CLPTM1: variants seen among roughly 807,000 people sequenced by gnomAD.
CLPTM1 encodes the protein CLPTM1 regulator of GABA type A receptor forward trafficking, also known as putative lipid scramblase CLPTM1.
In CLPTM1, 21 loss-of-function variants were observed where a neutral mutation model predicts 77.3. The observed-to-expected ratio is 0.27, with a 90% CI of 0.19 to 0.39. The LOEUF is 0.39. Among genes scored for constraint, CLPTM1 ranks in the 10% least tolerant of loss-of-function variants. CLPTM1 has a pLI of 1.00. For missense variants in CLPTM1, 642 were observed against 921.2 expected, an observed-to-expected ratio of 0.70 and a Z score of 3.92; for synonymous variants, 373 against 381.0, an observed-to-expected ratio of 0.98 and a Z score of 0.24.
At position 44,986,756 on chromosome 19, in the gene CLPTM1, G is replaced by A. The variant is rs1054673478; in HGVS notation, c.793+181G>A. 1.2e-5 allele frequency: 9 copies of A among 737,818 alleles called. 1 individual carries two copies. Among genetic ancestry groups the A allele is most frequent in the Admixed American group, 3.1e-5 (1 of 32,378 alleles). 45.7% of individuals were successfully genotyped at this position (737,818 alleles called of 1,614,324 possible). A position where few individuals can be genotyped will look rare whatever the true frequency, so the allele number is the denominator to read the frequency against. Reference sequence around the variant, plus strand: ...CTCCCTCTCCCACACCACCACCCCTGGGGACCCCAGGACTGACTTCTACAC... The same window carrying A: ...CTCCCTCTCCCACACCACCACCCCTAGGGACCCCAGGACTGACTTCTACAC... On this transcript the variant is annotated intron_variant, in intron 7 of 13. Transcript: ENST00000337392.
chr19:44,982,727 C>T (rs905766385), intron 5 of CLPTM1, among the ~76,000 whole-genome samples: 2 of 152,124 alleles, frequency 1.3e-5, no homozygotes, highest in African/African-American at 4.8e-5. Flanking sequence ...TTGGTTTCTC[C>T]CCCTGGACAC....
At position 44,990,666 on chromosome 19, in the gene CLPTM1, G is replaced by T; in HGVS notation, c.1323+81G>T. The stretch of plus-strand genomic sequence containing the variant: ...GTGGCCCAGCTGGACCCTGGAGCTG[G>T]CCCCCGGGGGATTCCCAGCAAGTGC... On this transcript the variant is annotated intron_variant, in intron 10 of 13. Coordinates refer to ENST00000337392, the MANE Select transcript of CLPTM1 (RefSeq NM_001294.4). The surrounding 1 kb of genome is among the most constrained non-coding windows in gnomAD (Gnocchi z 4.8). 1 of 1,497,466 alleles carries T rather than the reference G, an allele frequency of 6.7e-7. No individual in the cohort carries two copies. Among genetic ancestry groups the T allele is most frequent in the South Asian group, 1.2e-5 (1 of 84,580 alleles). 92.8% of individuals were successfully genotyped at this position (1,497,466 alleles called of 1,614,324 possible). A position where few individuals can be genotyped will look rare whatever the true frequency, so the allele number is the denominator to read the frequency against.
chr19:44,966,489 A>G lies in CLPTM1; in HGVS notation c.185+4414A>G, dbSNP rs116518819. Among the ~76,000 whole-genome samples, 641 of 152,312 alleles carry G rather than the reference A, an allele frequency of 4.2e-3. 6 individuals carry two copies. Among genetic ancestry groups the G allele is most frequent in the African/African-American group, 0.015 (614 of 41,566 alleles). ...TAATTGGCCCTAAATGGGATTATAT[A>G]TAGATGCTCACAGATAGAGTTGTTT... is the stretch of plus-strand genomic sequence containing the variant. On this transcript the variant is annotated intron_variant, in intron 2 of 13. Coordinates refer to ENST00000337392, the MANE Select transcript of CLPTM1 (RefSeq NM_001294.4).
At chr19:44,962,147 C>T in intron 2 of CLPTM1, 72 bp downstream of exon 2, 3 of 911,474 alleles carry the variant, frequency 3.3e-6, no homozygotes, top group Non-Finnish European at 5.0e-6. Flanking sequence ...GAAAAGTCAG[C>T]TGATCAGCTG....
chr19:44,964,823 T>C (rs1799982230), intron 2 of CLPTM1, among the ~76,000 whole-genome samples: 1 of 152,174 alleles, frequency 6.6e-6, no homozygotes, highest in African/African-American at 2.4e-5. Flanking sequence ...TTAGCTCCTG[T>C]ATGTGGAATC....
At chr19:44,978,555 C>T (rs769607445) in intron 5 of CLPTM1, among the ~76,000 whole-genome samples, 7 of 146,764 alleles carry the variant, frequency 4.8e-5, no homozygotes, top group Non-Finnish European at 1.0e-4. Flanking sequence ...ATCGCTTGAA[C>T]CTGGGAGGTC....
At chr19:44,971,573 AT>A (rs902918437) in intron 2 of CLPTM1, among the ~76,000 whole-genome samples, 27 of 151,946 alleles carry the variant, frequency 1.8e-4, no homozygotes, top group African/African-American at 2.7e-4. Flanking sequence ...TAATTGATTA[AT>A]TTTTTTGGGA....
chr19:44,978,497 G>C (rs1051034550), intron 5 of CLPTM1, among the ~76,000 whole-genome samples: 5 of 151,838 alleles, frequency 3.3e-5, no homozygotes, highest in African/African-American at 1.2e-4. Flanking sequence ...GCCAGGTATG[G>C]TGGTGAGCAC....
In CLPTM1 at chr19:44,986,857, TTTG is replaced by T. The variant is rs1349935669; in HGVS notation, c.793+283_793+285del. On this transcript the variant is annotated intron_variant, in intron 7 of 13. Coordinates refer to ENST00000337392, the MANE Select transcript of CLPTM1 (RefSeq NM_001294.4). ...AAAAATGTCTTATCACTTGCCAGCT[TTTG>T]AAATTGAGGCAGTATCACTTAAAAG... The T allele has an allele frequency of 1.5e-3, 775 of 529,496 alleles. 2 individuals are homozygous for T. Among genetic ancestry groups the T allele is most frequent in the African/African-American group, 9.5e-3 (500 of 52,908 alleles). The allele number at this position is 529,496 out of a possible 1,614,324, so 32.8% of individuals were successfully genotyped here.
In CLPTM1 at chr19:44,990,727, G is replaced by T. The variant is rs545311065; in HGVS notation, c.1324-123G>T. On this transcript the variant is annotated intron_variant, in intron 10 of 13. Transcript: ENST00000337392. The surrounding 1 kb of genome is among the most constrained non-coding windows in gnomAD (Gnocchi z 4.8). ...GGACTGAGGGGATTTTCTCACCAGG[G>T]GATTTTTTGGGTCACACATGGGGCA... The T allele has an allele frequency of 1.2e-4, 163 of 1,312,394 alleles. 4 individuals carry two copies. The South Asian group carries it at 2.0e-3, about 16-fold the overall frequency. The allele number at this position is 1,312,394 out of a possible 1,614,324, so 81.3% of individuals were successfully genotyped here. A position where few individuals can be genotyped will look rare whatever the true frequency, so the allele number is the denominator to read the frequency against.
At chr19:44,989,875 T>G (rs3859419) in intron 9 of CLPTM1, 135,999 of 153,644 alleles carry the variant, frequency 0.89, 60,340 homozygotes, top group East Asian at 0.94. Flanking sequence ...CAGGGCCCTT[T>G]TCAGTTTCCT....
rs991138200 is a variant in CLPTM1, at chr19:44,973,187, C to G, written c.286C>G (p.Leu96Val). Residue 96 changes from leucine (L) to valine (V), a missense_variant, in exon 3 of 14, where the codon CTG (leucine) becomes GTG (valine). Leu to Val is a conservative substitution (Grantham distance 32, BLOSUM62 1). Transcript: ENST00000337392. ...GGAPRVASRN[L>V]FPKDTLMNLH... ...AGCTCCACGCGTCGCCAGCCGCAACCTGTTCCCCAAAGACACTTTAATGGT... is the reference window on the plus strand; with the variant it reads ...AGCTCCACGCGTCGCCAGCCGCAACGTGTTCCCCAAAGACACTTTAATGGT... The G allele has an allele frequency of 6.2e-7, 1 of 1,614,076 alleles. No homozygotes were observed. The highest frequency in any genetic ancestry group is 8.5e-7 in the Non-Finnish European group (1 of 1,179,946).
chr19:44,971,447 C>G (rs991900020), intron 2 of CLPTM1, among the ~76,000 whole-genome samples: 1 of 152,144 alleles, frequency 6.6e-6, no homozygotes, highest in Non-Finnish European at 1.5e-5. Flanking sequence ...TTGGAACTAA[C>G]GTATCACTTA....
intron 2 of CLPTM1, among the ~76,000 whole-genome samples, chr19:44,962,380 C>T (rs915076354): frequency 1.3e-5 from 2 of 152,012 alleles, no homozygotes; most frequent in Non-Finnish European, 2.9e-5. Flanking sequence ...GTAATATAGA[C>T]GGAGTAGCTT....
chr19:44,964,839 G>A (rs951615873), intron 2 of CLPTM1, among the ~76,000 whole-genome samples: 1 of 152,170 alleles, frequency 6.6e-6, no homozygotes, highest in African/African-American at 2.4e-5. Context: ...GAATCAGACA[G>A]CATTTGTCCT....
At chr19:44,961,060 C>T (rs963418237) in intron 1 of CLPTM1, among the ~76,000 whole-genome samples, 14 of 152,150 alleles carry the variant, frequency 9.2e-5, no homozygotes, top group African/African-American at 3.4e-4. Context: ...TGCCTGGCTC[C>T]CTTGCCTGCC....
chr19:44,954,738 C>T, upstream of CLPTM1: 1 of 1,299,996 alleles, frequency 7.7e-7, no homozygotes, highest in Non-Finnish European at 9.8e-7. Flanking sequence ...GCGTGCTAGG[C>T]AGGGCAGTCC....
chr19:44,988,222 C>A, intron 9 of CLPTM1, 49 bp downstream of exon 9: 1 of 1,338,604 alleles, frequency 7.5e-7, no homozygotes, highest in Non-Finnish European at 1.1e-6. Flanking sequence ...GGGTGGGGGA[C>A]AGGACCTGCC....
rs1971115733 is a variant in CLPTM1, at chr19:44,993,263, C to T, written c.*366C>T. The stretch of plus-strand genomic sequence containing the variant: ...ATCATCTTGTCCCTCGTCCCCCTAC[C>T]ACACTCCCCCTCCTAGACCGCCGCC... On this transcript the variant is annotated 3_prime_UTR_variant, in exon 14 of 14. Coordinates refer to ENST00000337392, the MANE Select transcript of CLPTM1 (RefSeq NM_001294.4). The T allele has an allele frequency of 2.1e-6, 1 of 482,926 alleles. No individual in the cohort carries two copies. Among genetic ancestry groups the T allele is most frequent in the Non-Finnish European group, 4.0e-6 (1 of 249,538 alleles). 29.9% of individuals were successfully genotyped at this position (482,926 alleles called of 1,614,324 possible).
Sources: gnomAD v4.1 joint callset for allele counts (sites outside exome capture counted in the v4.1 genomes callset) on GRCh38, gnomAD v4.1.1 for gene constraint, Gnocchi (gnomAD v3.1) non-coding constraint, MANE v1.5 for transcripts, NCBI Gene and HGNC (gene_info 2026-07-23, HGNC 2026-07-21) for gene names.